Variants in UBR3 observed in about 807,000 individuals in gnomAD.
The protein encoded by UBR3 is E3 ubiquitin-protein ligase UBR3.
A neutral mutation model predicts 243.2 loss-of-function variants in UBR3; 85 were observed. The ratio of observed to expected loss-of-function variants is 0.35; its 90% confidence interval spans 0.29 to 0.42. The LOEUF (loss-of-function observed/expected upper bound fraction) is 0.42. UBR3 is among the 10% of genes least tolerant of loss of function. UBR3 has a pLI of 1.00. For synonymous variants in UBR3, 748 were observed against 799.8 expected (o/e 0.94, Z 1.09); for missense variants, 1,686 against 2,300.8 (o/e 0.73, Z 5.47).
intron 23 of UBR3, among the ~76,000 whole-genome samples, chr2:169,950,440 CTTTAGTTTCT>C (rs2086970157): frequency 6.6e-6 from 1 of 151,854 alleles, no homozygotes; most frequent in African/African-American, 2.4e-5. Context: ...AATCCAACTG[CTTTAGTTTCT>C]TTTGGTCTTT....
chr2:169,933,623 A>G (rs2086219879), intron 19 of UBR3, among the ~76,000 whole-genome samples: 1 of 152,170 alleles, frequency 6.6e-6, no homozygotes. Context: ...CAAATATCAC[A>G]AGATATCATC....
At chr2:169,859,080 G>GTTTTTT (rs2082990493) in intron 1 of UBR3, among the ~76,000 whole-genome samples, 2 of 132,236 alleles carry the variant, frequency 1.5e-5, no homozygotes, top group Non-Finnish European at 1.6e-5. Context: ...CCTCACCATG[G>GTTTTTT]CTTTTTTTTT....
intron 33 of UBR3, among the ~76,000 whole-genome samples, chr2:170,055,805 GT>G (rs370851080): frequency 0.012 from 1,810 of 152,156 alleles, 47 homozygotes; most frequent in African/African-American, 0.039. Context: ...TATTTGAGCA[GT>G]TTTGTTTTGC....
At chr2:169,994,719 A>C (rs1030336879) in intron 26 of UBR3, among the ~76,000 whole-genome samples, 12 of 152,348 alleles carry the variant, frequency 7.9e-5, no homozygotes, top group Non-Finnish European at 1.2e-4. Flanking sequence ...GCAGGTCCTT[A>C]AATAACGTTG....
Position 169,828,897 on chromosome 2 carries a change from T to A in UBR3, c.545+845T>A, listed in dbSNP as rs114687969. On this transcript the variant is annotated intron_variant, in intron 1 of 38. Transcript: ENST00000272793. The stretch of plus-strand genomic sequence containing the variant: ...GCGATGCATCAGATGTTGGGACTTA[T>A]GAGAAAAGACATTTCAGAGTTTGCA... Among the ~76,000 whole-genome samples the A allele has an allele frequency of 7.8e-3, 1,182 of 152,300 alleles. 13 individuals are homozygous for A. Among genetic ancestry groups the A allele is most frequent in the African/African-American group, 0.026 (1,069 of 41,556 alleles).
intron 1 of UBR3, among the ~76,000 whole-genome samples, chr2:169,865,704 C>T (rs528297800): frequency 5.9e-5 from 9 of 152,276 alleles, no homozygotes; most frequent in South Asian, 2.1e-4. Context: ...CAGTTTCATG[C>T]CCAATTATGT....
intron 31 of UBR3, among the ~76,000 whole-genome samples, chr2:170,030,823 T>C (rs10206142): frequency 0.3 from 46,332 of 152,008 alleles, 7,270 homozygotes; most frequent in South Asian, 0.45. Context: ...GTATAAAATT[T>C]ATATTTTTCT....
intron 24 of UBR3, among the ~76,000 whole-genome samples, chr2:169,961,953 C>G: frequency 6.7e-6 from 1 of 148,430 alleles, no homozygotes; most frequent in Non-Finnish European, 1.5e-5. Context: ...GGTCCTGATG[C>G]CCTGTGTAGT....
intron 11 of UBR3, among the ~76,000 whole-genome samples, chr2:169,919,813 G>A (rs1314140425): frequency 6.6e-6 from 1 of 152,132 alleles, no homozygotes; most frequent in Non-Finnish European, 1.5e-5. Context: ...GGAAACAACA[G>A]GTGCTGGAGA....
rs1250610441 is a variant in UBR3 at position 169,877,611 on chromosome 2, C to T, written c.962C>T (p.Ala321Val). The change falls in exon 4 of 39, where the codon GCT becomes GTT. Residue 321 changes from alanine (A) to valine (V), a missense_variant. Coordinates refer to ENST00000272793, the MANE Select transcript of UBR3 (RefSeq NM_172070.4). Reference protein sequence around the residue: ...KLVYGVQEPSAGTSSLAVQGF... With the variant: ...KLVYGVQEPSVGTSSLAVQGF... The stretch of plus-strand genomic sequence containing the variant: ...GTATATGGTGTGCAGGAGCCATCTG[C>T]TGGTACTAGTTCTCTGGCTGTTCAA... The T allele has an allele frequency of 6.5e-7, 1 of 1,546,938 alleles. No homozygotes were observed. Among genetic ancestry groups the T allele is most frequent in the Non-Finnish European group, 8.7e-7 (1 of 1,146,040 alleles).
intron 5 of UBR3, among the ~76,000 whole-genome samples, chr2:169,888,871 G>A (rs2084215164): frequency 1.3e-5 from 2 of 151,930 alleles, no homozygotes; most frequent in Non-Finnish European, 2.9e-5. Context: ...TGGTACAGGT[G>A]TGCTATTATA....
chr2:170,003,652 T>C (rs574090281), intron 27 of UBR3, among the ~76,000 whole-genome samples: 29 of 151,780 alleles, frequency 1.9e-4, no homozygotes, highest in Non-Finnish European at 3.1e-4. Context: ...CTTTTTTTTT[T>C]CCCCTCCGAG....
chr2:169,914,619 A>C (rs927554495), intron 11 of UBR3, among the ~76,000 whole-genome samples: 1 of 152,240 alleles, frequency 6.6e-6, no homozygotes, highest in East Asian at 1.9e-4. Context: ...CTGGCACAGG[A>C]CATGGTATGT....
At position 169,914,125 on chromosome 2, in the gene UBR3, T is replaced by C; in HGVS notation, c.1845T>C (p.Asp615=). The change falls in exon 11 of 39, where the codon GAT becomes GAC. Residue 615 remains aspartate, a synonymous_variant. Coordinates refer to ENST00000272793, the MANE Select transcript of UBR3 (RefSeq NM_172070.4). The stretch of plus-strand genomic sequence containing the variant: ...TTGAAGCTCTTCAAGACTGGTTTGA[T>C]GCTATTAACTTCGTAGACGAGGTAT... The part of the protein sequence containing the change: ...YCLEALQDWF[D]AINFVDEPAP... 1 of 1,509,612 alleles carries C rather than the reference T, an allele frequency of 6.6e-7. No individual in the cohort carries two copies. The highest frequency in any genetic ancestry group is 8.9e-7 in the Non-Finnish European group (1 of 1,127,360). The allele number at this position is 1,509,612 out of a possible 1,614,324, so 93.5% of individuals were successfully genotyped here.
chr2:170,067,163 GGCTATGCT>G (rs2091590047), intron 35 of UBR3, among the ~76,000 whole-genome samples: 1 of 151,946 alleles, frequency 6.6e-6, no homozygotes, highest in East Asian at 1.9e-4. Flanking sequence ...TCTGGACCCA[GGCTATGCT>G]GTTCCTTGCC....
At position 169,950,039 on chromosome 2, in the gene UBR3, G is replaced by A. The variant is rs371306897; in HGVS notation, c.3519G>A (p.Glu1173=). Residue 1173 remains glutamate (E), a synonymous_variant, in exon 23 of 39, where the codon GAG becomes GAA. Coordinates refer to ENST00000272793, the MANE Select transcript of UBR3 (RefSeq NM_172070.4). ...CACCTAAAAAAGTCACTGCAGCAGA[G>A]AAGAAAACATTGGACAAAGAAGAAA... ...PVPPKKVTAA[E]KKTLDKEERR... is the part of the protein sequence containing the mutation. 2.6e-6 allele frequency: 4 copies of A among 1,567,444 alleles called. No individual in the cohort carries two copies. The highest frequency in any genetic ancestry group is 4.1e-5 in the Admixed American group (2 of 48,380).
intron 1 of UBR3, among the ~76,000 whole-genome samples, chr2:169,831,127 ATTTTTTT>A (rs34139528): frequency 1.9e-4 from 11 of 56,462 alleles, no homozygotes; most frequent in African/African-American, 7.2e-4. Flanking sequence ...ATATATATAT[ATTTTTTT>A]TTTTTTTTTT....
intron 6 of UBR3, among the ~76,000 whole-genome samples, chr2:169,892,144 C>A (rs1329059824): frequency 6.6e-6 from 1 of 152,166 alleles, no homozygotes; most frequent in Non-Finnish European, 1.5e-5. Flanking sequence ...TATGCTGCTG[C>A]ATTTAACTTG....
At chr2:169,893,569 T>C (rs1377441202) in intron 6 of UBR3, among the ~76,000 whole-genome samples, 2 of 152,214 alleles carry the variant, frequency 1.3e-5, no homozygotes, top group East Asian at 3.8e-4. Flanking sequence ...AATTTATTTT[T>C]TTCAGCACAG....
Sources: allele counts gnomAD v4.1 joint callset (sites outside exome capture counted in the v4.1 genomes callset), GRCh38; gene constraint gnomAD v4.1.1; transcripts MANE v1.5; gene names NCBI Gene and HGNC (gene_info 2026-07-23, HGNC 2026-07-21).